Variants in DAB1 observed in about 807,000 individuals in gnomAD.
DAB1 encodes the protein DAB adaptor protein 1.
DAB1 carries 15 observed loss-of-function variants against 64.6 expected under a neutral mutation model. The observed-to-expected ratio is 0.23, with a 90% CI of 0.16 to 0.36. The LOEUF is 0.36. DAB1 is among the 10% of genes least tolerant of loss of function. DAB1 has a pLI of 1.00. For synonymous variants in DAB1, 235 were observed against 251.9 expected, an observed-to-expected ratio of 0.93 and a Z score of 0.64; for missense variants, 596 against 706.7, an observed-to-expected ratio of 0.84 and a Z score of 1.78.
chr1:58,385,528 A>G (rs1644426195), intron 3 of DAB1, among the ~76,000 whole-genome samples: 2 of 152,224 alleles, frequency 1.3e-5, no homozygotes, highest in African/African-American at 2.4e-5. Context: ...ATTATGTTCT[A>G]TCCAAAACCT....
chr1:57,394,243 C>T (rs1041617001), intron 1 of DAB1, among the ~76,000 whole-genome samples: 1 of 152,212 alleles, frequency 6.6e-6, no homozygotes, highest in Non-Finnish European at 1.5e-5. Flanking sequence ...TTCTATCAGA[C>T]CAACATCAGA....
intron 9 of DAB1, among the ~76,000 whole-genome samples, chr1:57,026,765 C>T (rs1180335038): frequency 6.6e-6 from 1 of 152,182 alleles, no homozygotes; most frequent in East Asian, 1.9e-4. Flanking sequence ...TCACTGCAGA[C>T]ACTGCATCAT....
At chr1:58,449,138 G>A (rs1645104515) in intron 3 of DAB1, among the ~76,000 whole-genome samples, 1 of 152,198 alleles carries the variant, frequency 6.6e-6, no homozygotes, top group Admixed American at 6.5e-5. Context: ...CCAAGCACAG[G>A]GGAAGGGCCA....
intron 5 of DAB1, among the ~76,000 whole-genome samples, chr1:57,973,574 T>C (rs1241791040): frequency 1.3e-5 from 2 of 152,166 alleles, no homozygotes; most frequent in Non-Finnish European, 2.9e-5. Context: ...TACATCTCCC[T>C]GAAAATGATA....
At chr1:58,281,923 C>T (rs1025940906) in intron 4 of DAB1, among the ~76,000 whole-genome samples, 45 of 152,146 alleles carry the variant, frequency 3.0e-4, no homozygotes, top group African/African-American at 1.0e-3. Context: ...ACTACCACTA[C>T]CACCGCCATC....
At chr1:57,722,710 C>T (rs1647165553) in intron 6 of DAB1, among the ~76,000 whole-genome samples, 1 of 152,132 alleles carries the variant, frequency 6.6e-6, no homozygotes, top group Non-Finnish European at 1.5e-5. Context: ...GGGATTGGAG[C>T]ACTCATACGT....
chr1:57,265,817 G>A (rs561972449), intron 2 of DAB1, among the ~76,000 whole-genome samples: 4 of 152,286 alleles, frequency 2.6e-5, no homozygotes, highest in South Asian at 2.1e-4. Flanking sequence ...AGAGAAATAA[G>A]CAGCAATAGG....
At chr1:58,239,682 G>T (rs1660203170) in intron 4 of DAB1, among the ~76,000 whole-genome samples, 1 of 152,128 alleles carries the variant, frequency 6.6e-6, no homozygotes. Flanking sequence ...ATTATTTGCA[G>T]GGGGCTGATT....
At chr1:58,184,291 T>C (rs1476505206) in intron 4 of DAB1, among the ~76,000 whole-genome samples, 2 of 148,408 alleles carry the variant, frequency 1.3e-5, no homozygotes, top group Non-Finnish European at 3.0e-5. Context: ...ACATATGATA[T>C]ATAACATAAT....
At chr1:57,143,569 G>T (rs918490690) in intron 3 of DAB1, among the ~76,000 whole-genome samples, 1 of 152,006 alleles carries the variant, frequency 6.6e-6, no homozygotes, top group African/African-American at 2.4e-5. Context: ...TATATAACAG[G>T]TTAACAAATA....
intron 1 of DAB1, among the ~76,000 whole-genome samples, chr1:57,861,434 A>C (rs900890009): frequency 1.3e-5 from 2 of 152,172 alleles, no homozygotes; most frequent in African/African-American, 4.8e-5. Flanking sequence ...AATCCCAGTC[A>C]TGAGGGCTCC....
intron 7 of DAB1, among the ~76,000 whole-genome samples, chr1:57,542,479 C>A (rs1160482283): frequency 6.7e-6 from 1 of 148,936 alleles, no homozygotes; most frequent in African/African-American, 2.5e-5. Context: ...CTAGATGGAC[C>A]AAGACAGTGA....
chr1:57,258,764 A>ACACAT (rs1669957940), intron 2 of DAB1, among the ~76,000 whole-genome samples: 1 of 152,086 alleles, frequency 6.6e-6, no homozygotes, highest in African/African-American at 2.4e-5. Flanking sequence ...CCTGGATGTG[A>ACACAT]CACATCGAGT....
intron 6 of DAB1, among the ~76,000 whole-genome samples, chr1:57,749,950 T>C (rs970238447): frequency 6.6e-6 from 1 of 152,046 alleles, no homozygotes; most frequent in Non-Finnish European, 1.5e-5. Flanking sequence ...ACATTGCAAA[T>C]CCATCCTGGT....
At chr1:57,654,185 T>C (rs888856824) in intron 6 of DAB1, among the ~76,000 whole-genome samples, 7 of 152,020 alleles carry the variant, frequency 4.6e-5, no homozygotes, top group African/African-American at 1.2e-4. Flanking sequence ...TGGGTTGTTA[T>C]AGAAGGGAGA....
chr1:57,595,144 G>GT, intron 7 of DAB1, among the ~76,000 whole-genome samples: 1 of 151,786 alleles, frequency 6.6e-6, no homozygotes, highest in East Asian at 1.9e-4. Context: ...TATAGTTGTT[G>GT]TTTTTAAAAA....
In DAB1 at chr1:57,728,211, G is replaced by C. The variant is rs147622039; in HGVS notation, n.552-78546C>G. On this transcript the variant is annotated intron_variant and non_coding_transcript_variant, in intron 6 of 20. Transcript: ENST00000485760. The stretch of plus-strand genomic sequence containing the variant: ...GATATGCATGTGCCTGTTTTTTTCT[G>C]CATTAAAACCAAAGTCTGTTCTGCT... Among the ~76,000 whole-genome samples, 23 of 152,240 alleles carry C rather than the reference G, an allele frequency of 1.5e-4. No homozygotes were observed. In the East Asian group the frequency reaches 4.4e-3, roughly 29 times the overall value.
At chr1:57,147,969 C>T (rs751574791) in intron 2 of DAB1, among the ~76,000 whole-genome samples, 8 of 152,162 alleles carry the variant, frequency 5.3e-5, no homozygotes, top group Non-Finnish European at 5.9e-5. Flanking sequence ...CAAGCCTGTT[C>T]GCCTAACCAC....
chr1:57,651,632 G>A (rs1646257089), intron 6 of DAB1, among the ~76,000 whole-genome samples: 1 of 151,740 alleles, frequency 6.6e-6, no homozygotes, highest in South Asian at 2.1e-4. Context: ...GGGATAATAA[G>A]TCTAACCTGA....
Sources: gnomAD v4.1 joint callset for allele counts (sites outside exome capture counted in the v4.1 genomes callset) on GRCh38, gnomAD v4.1.1 for gene constraint, MANE v1.5 for transcripts, NCBI Gene and HGNC (gene_info 2026-07-23, HGNC 2026-07-21) for gene names.